The following TRIP4 variants were observed in gnomAD, a reference collection of about 807,000 sequenced individuals.
TRIP4 encodes the protein activating signal cointegrator 1.
In TRIP4, 54 loss-of-function variants were observed where a neutral mutation model predicts 81.8. That is an observed-to-expected ratio of 0.66 (90% CI 0.53 to 0.83). TRIP4 has a LOEUF of 0.83. TRIP4 is among the 40% of genes least tolerant of loss of function. TRIP4 has a pLI of 0.00. For missense variants in TRIP4, 662 were observed against 683.6 expected, an observed-to-expected ratio of 0.97 and a Z score of 0.35; for synonymous variants, 270 against 242.8, an observed-to-expected ratio of 1.11 and a Z score of -1.04.
chr15:64,398,930 TC>T (rs1394385045), intron 4 of TRIP4, among the ~76,000 whole-genome samples: 2 of 147,160 alleles, frequency 1.4e-5, no homozygotes, highest in African/African-American at 5.0e-5. Context: ...CTTAATTTTT[TC>T]TTTTTTCCTT....
chr15:64,446,843 G>A (rs920609169), intron 12 of TRIP4, among the ~76,000 whole-genome samples: 9 of 151,064 alleles, frequency 6.0e-5, no homozygotes, highest in African/African-American at 1.2e-4. Flanking sequence ...GGTGGCTCAC[G>A]CCTGTAATCC....
chr15:64,406,076 G>A (rs1891615603), intron 5 of TRIP4, among the ~76,000 whole-genome samples: 1 of 152,084 alleles, frequency 6.6e-6, no homozygotes, highest in Admixed American at 6.6e-5. Flanking sequence ...TAAATACTTT[G>A]GTGCCCTTAG....
chr15:64,431,847 A>ATATATATATATATTT, intron 11 of TRIP4, among the ~76,000 whole-genome samples: 5 of 119,554 alleles, frequency 4.2e-5, no homozygotes, highest in Admixed American at 9.7e-5. Context: ...ATATATATAT[A>ATATATATATATATTT]TTTTTTTTAT....
At chr15:64,400,703 TA>T in intron 4 of TRIP4, 39 bp from the exon 5 acceptor site, 1 of 1,503,222 alleles carries the variant, frequency 6.7e-7, no homozygotes, top group Non-Finnish European at 9.2e-7. Flanking sequence ...CAATATAATT[TA>T]ACTGTTGGAT....
At chr15:64,402,244 C>T (rs376953673) in intron 5 of TRIP4, among the ~76,000 whole-genome samples, 7 of 149,406 alleles carry the variant, frequency 4.7e-5, no homozygotes, top group South Asian at 4.2e-4. Flanking sequence ...TTTTTTGAGA[C>T]GGAGTTTCAC....
At chr15:64,389,488 A>G (rs1900053245) in intron 1 of TRIP4, among the ~76,000 whole-genome samples, 1 of 152,098 alleles carries the variant, frequency 6.6e-6, no homozygotes, top group Non-Finnish European at 1.5e-5. Flanking sequence ...AAAAGTAAAC[A>G]ACAAGATAAA....
intron 7 of TRIP4, 39 bp downstream of exon 7, chr15:64,409,867 C>T (rs770141555): frequency 2.6e-6 from 4 of 1,567,138 alleles, no homozygotes; most frequent in African/African-American, 2.7e-5. Flanking sequence ...AAAGAAGGAA[C>T]AGGTTGACCA....
intron 12 of TRIP4, among the ~76,000 whole-genome samples, chr15:64,449,585 T>A (rs965133626): frequency 5.9e-5 from 9 of 151,574 alleles, no homozygotes; most frequent in African/African-American, 1.2e-4. Context: ...TATATATATA[T>A]AAAAAATATA....
chr15:64,448,401 C>T (rs959306046), intron 12 of TRIP4, among the ~76,000 whole-genome samples: 4 of 152,152 alleles, frequency 2.6e-5, no homozygotes, highest in Middle Eastern at 3.4e-3. Flanking sequence ...CTATCTTTTT[C>T]GTATTGTTTC....
Position 64,400,821 on chromosome 15 carries a change from G to A in TRIP4, c.697G>A (p.Gly233Arg), listed in dbSNP as rs1298826643. Residue 233 changes from glycine to arginine, a missense_variant and splice_region_variant, in exon 5 of 13, where the codon GGA becomes AGA. Physicochemically the swap from Gly to Arg is moderately radical, Grantham distance 125. Coordinates refer to ENST00000261884, the MANE Select transcript of TRIP4 (RefSeq NM_016213.5). ...GAAACTGCTAAAGAAACTCATGTCA[G>A]GTAGACAGCAGTCTTGTAATTGGAT... ...SQKLLKKLMS[G>R]VENSGKVDIS... is the part of the protein sequence containing the mutation. 1 of 1,613,072 alleles carries A rather than the reference G, an allele frequency of 6.2e-7. No individual in the cohort carries two copies. Among genetic ancestry groups the A allele is most frequent in the African/African-American group, 1.3e-5 (1 of 74,904 alleles).
chr15:64,438,567 C>G (rs961683413), intron 11 of TRIP4, among the ~76,000 whole-genome samples: 1 of 152,162 alleles, frequency 6.6e-6, no homozygotes, highest in Non-Finnish European at 1.5e-5. Flanking sequence ...GATGCACTTG[C>G]CTCGGCCTCC....
intron 11 of TRIP4, among the ~76,000 whole-genome samples, chr15:64,432,471 A>G (rs868623073): frequency 5.3e-5 from 8 of 151,674 alleles, no homozygotes; most frequent in African/African-American, 7.3e-5. Context: ...TTAGCTGGGC[A>G]TGGTGGCGCA....
At chr15:64,410,396 G>C (rs1248051544) in intron 7 of TRIP4, among the ~76,000 whole-genome samples, 1 of 152,176 alleles carries the variant, frequency 6.6e-6, no homozygotes, top group Non-Finnish European at 1.5e-5. Context: ...AATCCAGAAA[G>C]AGATTGGTAT....
At chr15:64,443,053 A>C (rs1031822782) in intron 11 of TRIP4, among the ~76,000 whole-genome samples, 11 of 152,204 alleles carry the variant, frequency 7.2e-5, no homozygotes, top group African/African-American at 2.7e-4. Context: ...ATGGAAGTCA[A>C]CAGTGACCTT....
At chr15:64,444,119 T>C (rs1258922053) in intron 11 of TRIP4, among the ~76,000 whole-genome samples, 1 of 152,210 alleles carries the variant, frequency 6.6e-6, no homozygotes, top group Non-Finnish European at 1.5e-5. Context: ...CAAATAAGGG[T>C]GGAAAATACA....
In TRIP4 at chr15:64,406,381, A is replaced by G. The variant is rs138046999; in HGVS notation, c.749A>G (p.His250Arg). 9.9e-6 allele frequency: 16 copies of G among 1,614,198 alleles called. No individual in the cohort carries two copies. In the African/African-American group the frequency reaches 1.1e-4, roughly 11 times the overall value. ...ATCTCTACCAAGGACCTTCTTCCTC[A>G]TCAAGAATTGCGAATTAAGTCTGGT... ...VDISTKDLLP[H>R]QELRIKSGLE... The change falls in exon 6 of 13, where the codon CAT (histidine) becomes CGT (arginine). Residue 250 changes from histidine to arginine, a missense_variant. By Grantham distance (29) the His-to-Arg change is conservative (BLOSUM62 0). Transcript: ENST00000261884.
At chr15:64,454,479 TA>T (rs1197789943) in intron 12 of TRIP4, among the ~76,000 whole-genome samples, 1 of 152,152 alleles carries the variant, frequency 6.6e-6, no homozygotes, top group Non-Finnish European at 1.5e-5. Flanking sequence ...TAGCTGGTGA[TA>T]GGGGCCCTTT....
intron 1 of TRIP4, among the ~76,000 whole-genome samples, chr15:64,389,481 A>T (rs1317018825): frequency 1.3e-5 from 2 of 152,154 alleles, no homozygotes; most frequent in Non-Finnish European, 2.9e-5. Flanking sequence ...AAATAAAAAA[A>T]GTAAACAACA....
intron 12 of TRIP4, among the ~76,000 whole-genome samples, chr15:64,445,457 G>A (rs181074675): frequency 1.0e-3 from 140 of 137,502 alleles, no homozygotes; most frequent in African/African-American, 3.4e-3. Context: ...AAACCCCCCC[G>A]TCTCTACTAA....
Sources: allele counts gnomAD v4.1 joint callset (sites outside exome capture counted in the v4.1 genomes callset), GRCh38; gene constraint gnomAD v4.1.1; transcripts MANE v1.5; gene names NCBI Gene and HGNC (gene_info 2026-07-23, HGNC 2026-07-21).